The following NAV2 variants were observed in gnomAD, a reference collection of about 807,000 sequenced individuals.
NAV2 encodes the protein neuron navigator 2, also known as helicase, APC down-regulated 1.
NAV2 carries 54 observed loss-of-function variants against 223.2 expected under a neutral mutation model. The observed-to-expected ratio is 0.24, with a 90% CI of 0.19 to 0.30. NAV2 has a LOEUF of 0.30. Ranked by LOEUF, NAV2 falls within the 10% of genes least tolerant of loss-of-function variation. NAV2 has a pLI of 1.00. For synonymous variants in NAV2, 1,279 were observed against 1,239.3 expected (o/e 1.03, Z -0.67); for missense variants, 2,806 against 3,147.5 (o/e 0.89, Z 2.60).
intron 1 of NAV2, among the ~76,000 whole-genome samples, chr11:19,524,022 C>G (rs1441357181): frequency 6.6e-6 from 1 of 152,212 alleles, no homozygotes; most frequent in Non-Finnish European, 1.5e-5. Flanking sequence ...TTAGATACTC[C>G]TCCTCTCTGT....
intron 24 of NAV2, among the ~76,000 whole-genome samples, chr11:20,079,141 A>G (rs987025325): frequency 1.3e-5 from 2 of 152,164 alleles, no homozygotes; most frequent in African/African-American, 4.8e-5. Context: ...CCTGCGTTCA[A>G]GTGATTCTCC....
At chr11:19,469,677 C>A (rs925348019) in intron 1 of NAV2, among the ~76,000 whole-genome samples, 1 of 152,028 alleles carries the variant, frequency 6.6e-6, no homozygotes, top group Admixed American at 6.6e-5. Flanking sequence ...AAAGCGCAGG[C>A]AAAAAGAAGG....
At chr11:20,112,007 G>A (rs565363603) in intron 36 of NAV2, among the ~76,000 whole-genome samples, 13 of 152,308 alleles carry the variant, frequency 8.5e-5, no homozygotes, top group African/African-American at 2.9e-4. Flanking sequence ...GGAGACAGAA[G>A]CAGTAGCTGT....
chr11:19,577,707 TGTGG>T (rs1228330001), intron 1 of NAV2, among the ~76,000 whole-genome samples: 2 of 151,042 alleles, frequency 1.3e-5, no homozygotes, highest in African/African-American at 4.9e-5. Flanking sequence ...GCAAGCACTG[TGTGG>T]ATGGGGGTGT....
At chr11:19,451,855 T>C (rs1851799358) in intron 1 of NAV2, among the ~76,000 whole-genome samples, 4 of 151,594 alleles carry the variant, frequency 2.6e-5, no homozygotes, top group Admixed American at 2.6e-4. Context: ...CTGGCTGGAG[T>C]CTAGAGAGTG....
intron 10 of NAV2, among the ~76,000 whole-genome samples, chr11:19,959,287 TC>T (rs1394009650): frequency 6.6e-6 from 1 of 152,048 alleles, no homozygotes; most frequent in East Asian, 1.9e-4. Flanking sequence ...CCAACTCTTG[TC>T]CCCGGAGGAA....
chr11:19,586,760 G>T (rs1476636353), intron 1 of NAV2, among the ~76,000 whole-genome samples: 2 of 152,194 alleles, frequency 1.3e-5, no homozygotes. Context: ...AGAGGAGTAC[G>T]CAGCCGTGTA....
chr11:19,796,801 C>T (rs1027109148), intron 1 of NAV2, among the ~76,000 whole-genome samples: 4 of 152,222 alleles, frequency 2.6e-5, no homozygotes, highest in East Asian at 1.9e-4. Flanking sequence ...ATTTTGTTCT[C>T]TTCTTCCTGT....
intron 1 of NAV2, among the ~76,000 whole-genome samples, chr11:19,743,968 G>C (rs2053101863): frequency 6.6e-6 from 1 of 152,212 alleles, no homozygotes; most frequent in Non-Finnish European, 1.5e-5. Context: ...GTTGTAGTAT[G>C]CTTCCCCTCC....
intron 12 of NAV2, 89 bp from the exon 13 acceptor site, chr11:20,043,892 T>G: frequency 8.4e-7 from 1 of 1,192,082 alleles, no homozygotes. Context: ...CCTTAACTAC[T>G]CCAGTGTTTT....
At chr11:19,739,309 A>G (rs1444562129) in intron 1 of NAV2, among the ~76,000 whole-genome samples, 1 of 152,216 alleles carries the variant, frequency 6.6e-6, no homozygotes, top group Non-Finnish European at 1.5e-5. Flanking sequence ...TACTCTCTTC[A>G]TATTCTCAGT....
In NAV2 at chr11:20,118,748, AC is replaced by A; in HGVS notation, c.*493del. ...ACTGGGTCTCAGAGCCGTGCCACCC[AC>A]CCTCCCACACAGCCGGCCACAGGGA... On this transcript the variant is annotated 3_prime_UTR_variant, in exon 38 of 38. Transcript: ENST00000349880. The A allele has an allele frequency of 5.9e-6, 1 of 170,326 alleles. No homozygotes were observed. Among genetic ancestry groups the A allele is most frequent in the South Asian group, 1.7e-4 (1 of 6,018 alleles). The allele number at this position is 170,326 out of a possible 1,614,324, so 10.6% of individuals were successfully genotyped here. A position where few individuals can be genotyped will look rare whatever the true frequency, so the allele number is the denominator to read the frequency against.
chr11:19,464,441 T>C (rs1172282002), intron 1 of NAV2, among the ~76,000 whole-genome samples: 1 of 152,184 alleles, frequency 6.6e-6, no homozygotes, highest in Non-Finnish European at 1.5e-5. Context: ...GAGAGCAGAA[T>C]GAAGCAAACA....
At chr11:19,587,347 C>T (rs2045933617) in intron 1 of NAV2, among the ~76,000 whole-genome samples, 1 of 152,182 alleles carries the variant, frequency 6.6e-6, no homozygotes, top group African/African-American at 2.4e-5. Context: ...ATGCCTTGCC[C>T]TGCTTCAGCT....
intron 26 of NAV2, among the ~76,000 whole-genome samples, chr11:20,086,835 AG>A (rs945131153): frequency 5.9e-5 from 9 of 152,230 alleles, no homozygotes; most frequent in African/African-American, 2.2e-4. Context: ...GGAGACACAG[AG>A]GGGGGCAGAG....
chr11:19,561,846 G>A (rs2045109865), intron 1 of NAV2, among the ~76,000 whole-genome samples: 1 of 152,194 alleles, frequency 6.6e-6, no homozygotes, highest in South Asian at 2.1e-4. Flanking sequence ...AGTTACGGTT[G>A]CCACTGGGCC....
intron 1 of NAV2, among the ~76,000 whole-genome samples, chr11:19,593,475 C>T (rs2046117987): frequency 6.6e-6 from 1 of 152,142 alleles, no homozygotes; most frequent in African/African-American, 2.4e-5. Context: ...CAGTTTTTGG[C>T]TTTGACGTAT....
At chr11:19,604,014 C>T (rs2046416515) in intron 1 of NAV2, among the ~76,000 whole-genome samples, 1 of 152,002 alleles carries the variant, frequency 6.6e-6, no homozygotes, top group Admixed American at 6.5e-5. Context: ...CAAGGAAGAG[C>T]GTGTGGCTGG....
At chr11:19,983,355 T>C (rs982790149) in intron 10 of NAV2, among the ~76,000 whole-genome samples, 3 of 152,214 alleles carry the variant, frequency 2.0e-5, no homozygotes, top group African/African-American at 7.2e-5. Context: ...GAAGACAGCT[T>C]TGTAGTATTA....
Sources: allele counts gnomAD v4.1 joint callset (sites outside exome capture counted in the v4.1 genomes callset), GRCh38; gene constraint gnomAD v4.1.1; transcripts MANE v1.5; gene names NCBI Gene and HGNC (gene_info 2026-07-23, HGNC 2026-07-21).